POLR1B: variants seen among roughly 807,000 people sequenced by gnomAD.
The protein encoded by POLR1B is RNA polymerase I subunit B.
In POLR1B, 30 loss-of-function variants were observed where a neutral mutation model predicts 105.8. The observed-to-expected ratio is 0.28, with a 90% confidence interval of 0.21 to 0.38. The LOEUF (loss-of-function observed/expected upper bound fraction) is 0.38. POLR1B is among the 10% of genes least tolerant of loss of function. The pLI, the probability that POLR1B is intolerant of heterozygous loss-of-function variation, is 1.00. For missense variants in POLR1B, 976 were observed against 1,435.8 expected (o/e 0.68, Z 5.17); for synonymous variants, 485 against 505.1 (o/e 0.96, Z 0.53).
At position 112,568,918 on chromosome 2, in the gene POLR1B, G is replaced by A; in HGVS notation, c.2074+16G>A. The A allele has an allele frequency of 6.2e-7, 1 of 1,610,884 alleles. No homozygotes were observed. The highest frequency in any genetic ancestry group is 8.5e-7 in the Non-Finnish European group (1 of 1,177,904). The stretch of plus-strand genomic sequence containing the variant: ...TGCCAGATGGGTAAGGAAGAGGGAT[G>A]ATGTTACAGTCACAATCAGGAAAGT... On this transcript the variant is annotated intron_variant, in intron 12 of 14. Transcript: ENST00000263331.
Position 112,568,773 on chromosome 2 carries a change from G to C in POLR1B, c.1945G>C (p.Asp649His). The C allele has an allele frequency of 6.2e-7, 1 of 1,614,014 alleles. No individual in the cohort carries two copies. Among genetic ancestry groups the C allele is most frequent in the Non-Finnish European group, 8.5e-7 (1 of 1,179,974 alleles). Residue 649 changes from aspartate to histidine, a missense_variant, in exon 12 of 15, where the codon GAT (aspartate) becomes CAT (histidine). Transcript: ENST00000263331. ...QIFMNVAIFE[D>H]EVFAGVTTHQ... The stretch of plus-strand genomic sequence containing the variant: ...CTTCATGAATGTCGCTATCTTTGAG[G>C]ATGAAGTTTTTGCTGGAGTTACCAC...
At chr2:112,548,779 AT>A (rs1390554471) in intron 3 of POLR1B, among the ~76,000 whole-genome samples, 1 of 151,956 alleles carries the variant, frequency 6.6e-6, no homozygotes, top group Non-Finnish European at 1.5e-5. Context: ...CGCCTGGCTA[AT>A]TTTTTGTATT....
chr2:112,564,321 G>A, intron 9 of POLR1B, 45 bp from the exon 10 acceptor site: 2 of 1,601,278 alleles, frequency 1.2e-6, no homozygotes, highest in Non-Finnish European at 1.7e-6. Context: ...TGGAATGTTG[G>A]ATGAAGCATT....
At chr2:112,572,282 GT>G (rs1362390097) in intron 12 of POLR1B, among the ~76,000 whole-genome samples, 1 of 152,130 alleles carries the variant, frequency 6.6e-6, no homozygotes, top group Non-Finnish European at 1.5e-5. Flanking sequence ...GTATAGAATT[GT>G]TTGGGGTGTG....
At chr2:112,556,558 G>GAAT (rs1370920565) in intron 7 of POLR1B, among the ~76,000 whole-genome samples, 1 of 152,214 alleles carries the variant, frequency 6.6e-6, no homozygotes, top group African/African-American at 2.4e-5. Context: ...TCTTCTGGAA[G>GAAT]AATAGTTAGG....
In POLR1B at chr2:112,552,765, G is replaced by C. The variant is rs775643040; in HGVS notation, c.1107G>C (p.Leu369Phe). Residue 369 changes from leucine (L) to phenylalanine (F), a missense_variant, in exon 7 of 15, where the codon TTG (leucine) becomes TTC (phenylalanine). Physicochemically the swap from Leu to Phe is conservative, Grantham distance 22. Transcript: ENST00000263331. The stretch of plus-strand genomic sequence containing the variant: ...GCATGGAGGACAATCCTGATAGTTT[G>C]GTGAACCAGGAAGTCCTCACACCGG... Reference protein sequence around the residue: ...GECMEDNPDSLVNQEVLTPGQ... With the variant: ...GECMEDNPDSFVNQEVLTPGQ... The C allele has an allele frequency of 6.2e-7, 1 of 1,608,634 alleles. No homozygotes were observed.
rs187415053 is a variant in POLR1B, at chr2:112,573,541, A to G, written c.2272-21A>G. On this transcript the variant is annotated intron_variant, in intron 13 of 14. Transcript: ENST00000263331. ...AATCCTCAATTGGCCTCAGTCTTTT[A>G]ACGATTCTTTTACTTCACAGATTGT... 3.7e-4 allele frequency: 588 copies of G among 1,600,866 alleles called. 2 individuals are homozygous for G. The African/African-American group carries it at 5.0e-3, about 14-fold the overall frequency.
In POLR1B at chr2:112,579,237, A is replaced by C. The variant is rs1558670082; in HGVS notation, c.*3508A>C. Among the ~76,000 whole-genome samples the C allele has an allele frequency of 7.2e-6, 1 of 138,610 alleles. No homozygotes were observed. Among genetic ancestry groups the C allele is most frequent in the Non-Finnish European group, 1.6e-5 (1 of 62,140 alleles). The allele number at this position is 138,610 out of a possible 152,430, so 90.9% of individuals were successfully genotyped here. On this transcript the variant is annotated 3_prime_UTR_variant, in exon 15 of 15. Coordinates refer to ENST00000263331, the MANE Select transcript of POLR1B (RefSeq NM_019014.6). ...AAAAAAAAAAAAAAAAAAAAAAAAAAAAAGGAAAGCAAAATTGTAGATAAG... is the reference window on the plus strand; with the variant it reads ...AAAAAAAAAAAAAAAAAAAAAAAAACAAAGGAAAGCAAAATTGTAGATAAG...
rs1365365023 is a variant in POLR1B, at chr2:112,575,872, T to A, written c.*143T>A. On this transcript the variant is annotated 3_prime_UTR_variant, in exon 15 of 15. Transcript: ENST00000263331. This position sits in a 1 kb window ranked among gnomAD's most constrained non-coding sequence, Gnocchi z 5.3. The stretch of plus-strand genomic sequence containing the variant: ...TCAACCAAGACCTGAAAACCAAGTA[T>A]GCAAGGTTTCTGAATCTCTCTGGTA... The A allele has an allele frequency of 1.2e-6, 1 of 818,150 alleles. No individual in the cohort carries two copies. Among genetic ancestry groups the A allele is most frequent in the Non-Finnish European group, 1.9e-6 (1 of 531,392 alleles). 50.7% of individuals were successfully genotyped at this position (818,150 alleles called of 1,614,324 possible). A position where few individuals can be genotyped will look rare whatever the true frequency, so the allele number is the denominator to read the frequency against.
intron 5 of POLR1B, among the ~76,000 whole-genome samples, chr2:112,551,454 G>T (rs898731869): frequency 7.9e-5 from 12 of 152,300 alleles, no homozygotes; most frequent in Middle Eastern, 3.4e-3. Context: ...GGAAAAAGCT[G>T]CAGTGCCCTT....
upstream of POLR1B, chr2:112,542,278 T>C: frequency 6.5e-7 from 1 of 1,533,444 alleles, no homozygotes; most frequent in Non-Finnish European, 8.7e-7. Context: ...ACGCTCTGGC[T>C]GGACACGGCC....
rs182331544 is a variant in POLR1B, at chr2:112,551,897, G to A, written c.885G>A (p.Ser295=). 4 of 1,614,068 alleles carry A rather than the reference G, an allele frequency of 2.5e-6. No homozygotes were observed. The Admixed American group carries it at 6.7e-5, about 27-fold the overall frequency. The change falls in exon 6 of 15, where the codon TCG becomes TCA. Residue 295 remains serine (S), a synonymous_variant. Transcript: ENST00000263331. ...MLRIVMEEGC[S]TQKQVLNYLG... ...GGATTGTAATGGAAGAGGGTTGTTC[G>A]ACACAAAAACAGGTCCTTAACTACC...
At chr2:112,565,824 C>T (rs1012775172) in intron 10 of POLR1B, among the ~76,000 whole-genome samples, 9 of 152,150 alleles carry the variant, frequency 5.9e-5, no homozygotes, top group African/African-American at 2.2e-4. Context: ...CAGCCCCTAT[C>T]CCCTTCCTGG....
rs1268309529 is a variant in POLR1B at position 112,578,352 on chromosome 2, C to T, written c.*2623C>T. 6.6e-6 allele frequency among the ~76,000 whole-genome samples: 1 copy of T among 152,166 alleles called. No homozygotes were observed. The highest frequency in any genetic ancestry group is 1.5e-5 in the Non-Finnish European group (1 of 68,024). Reference sequence around the variant, plus strand: ...CTCTACCTCTGTCCCCCATTTCTAACCCCTGGAAACCACTAATCTGTTCTT... The same window carrying T: ...CTCTACCTCTGTCCCCCATTTCTAATCCCTGGAAACCACTAATCTGTTCTT... On this transcript the variant is annotated 3_prime_UTR_variant, in exon 15 of 15. Coordinates refer to ENST00000263331, the MANE Select transcript of POLR1B (RefSeq NM_019014.6).
chr2:112,546,946 G>C (rs1312235206), intron 1 of POLR1B, 66 bp from the exon 2 acceptor site: 63 of 1,508,562 alleles, frequency 4.2e-5, no homozygotes, highest in Non-Finnish European at 5.5e-5. Flanking sequence ...CATAAGATTT[G>C]GAAGAGTCTT....
chr2:112,542,130 C>T, upstream of POLR1B: 4 of 1,535,726 alleles, frequency 2.6e-6, no homozygotes, highest in African/African-American at 2.7e-5. Context: ...CCGCTCTCCT[C>T]CGATCCTAAT....
intron 13 of POLR1B, among the ~76,000 whole-genome samples, chr2:112,573,307 T>C (rs999990681): frequency 6.6e-6 from 1 of 152,228 alleles, no homozygotes; most frequent in African/African-American, 2.4e-5. Context: ...TTCACCATGT[T>C]GGCCAGGCTG....
chr2:112,555,486 A>G (rs940699954), intron 7 of POLR1B, among the ~76,000 whole-genome samples: 1 of 152,062 alleles, frequency 6.6e-6, no homozygotes, highest in Non-Finnish European at 1.5e-5. Context: ...CGTCTCTACA[A>G]ATAATTTTAA....
At chr2:112,564,821 A>G (rs1042811330) in intron 10 of POLR1B, among the ~76,000 whole-genome samples, 4 of 152,236 alleles carry the variant, frequency 2.6e-5, no homozygotes, top group African/African-American at 9.6e-5. Flanking sequence ...AAATACAGAT[A>G]TTTCAGTAAT....
Sources: gnomAD v4.1 joint callset for allele counts (sites outside exome capture counted in the v4.1 genomes callset) on GRCh38, gnomAD v4.1.1 for gene constraint, Gnocchi (gnomAD v3.1) non-coding constraint, MANE v1.5 for transcripts, NCBI Gene and HGNC (gene_info 2026-07-23, HGNC 2026-07-21) for gene names.